Variants in CCL28 observed in about 807,000 individuals in gnomAD.
The protein encoded by CCL28 is C-C motif chemokine ligand 28, also known as C-C motif chemokine 28.
In CCL28, 4 loss-of-function variants were observed where a neutral mutation model predicts 7.1. The ratio of observed to expected loss-of-function variants is 0.56; its 90% confidence interval spans 0.28 to 1.29. The LOEUF (loss-of-function observed/expected upper bound fraction) is 1.29. Among genes scored for constraint, CCL28 ranks in the 50% most tolerant of loss-of-function variants. CCL28 has a pLI of 0.11. For missense variants in CCL28, 151 were observed against 163.4 expected, an observed-to-expected ratio of 0.92 and a Z score of 0.41; for synonymous variants, 55 against 57.8, an observed-to-expected ratio of 0.95 and a Z score of 0.22.
At chr5:43,387,720 G>A (rs1269447017) in intron 2 of CCL28, among the ~76,000 whole-genome samples, 1 of 152,142 alleles carries the variant, frequency 6.6e-6, no homozygotes, top group Non-Finnish European at 1.5e-5. Flanking sequence ...GCCTCGAACT[G>A]GGCTCAACGA....
intron 1 of CCL28, among the ~76,000 whole-genome samples, chr5:43,396,586 G>T (rs909866017): frequency 6.6e-6 from 1 of 152,060 alleles, no homozygotes; most frequent in Non-Finnish European, 1.5e-5. Flanking sequence ...GGTTAAAGAG[G>T]AAACCACAAA....
the CCL28 span, among the ~76,000 whole-genome samples, chr5:43,363,565 C>G: frequency 6.6e-6 from 1 of 152,200 alleles, no homozygotes; most frequent in Non-Finnish European, 1.5e-5. Flanking sequence ...AAGAATCCAC[C>G]TCCTTGCCCA....
the CCL28 span, among the ~76,000 whole-genome samples, chr5:43,366,774 C>T: frequency 6.6e-6 from 1 of 152,150 alleles, no homozygotes. Flanking sequence ...GTGCTCTGTC[C>T]CAGGGAGATG....
intron 1 of CCL28, among the ~76,000 whole-genome samples, chr5:43,402,073 A>C (rs996861038): frequency 6.6e-6 from 1 of 152,182 alleles, no homozygotes; most frequent in African/African-American, 2.4e-5. Context: ...TTTCCCCTGC[A>C]AACTAGAAGG....
chr5:43,388,308 ATCACTGTGCAGGTTTAGACC>A, intron 2 of CCL28, 22 bp downstream of exon 2: 1 of 1,607,456 alleles, frequency 6.2e-7, no homozygotes, highest in African/African-American at 1.3e-5. Flanking sequence ...CAGGGAAATA[ATCACTGTGCAGGTTTAGACC>A]TCCCGGCTGA....
At chr5:43,410,886 G>A (rs1741510356) in intron 1 of CCL28, among the ~76,000 whole-genome samples, 1 of 152,150 alleles carries the variant, frequency 6.6e-6, no homozygotes, top group Admixed American at 6.6e-5. Context: ...ACAAATTTTT[G>A]TCTTTATATT....
the CCL28 span, among the ~76,000 whole-genome samples, chr5:43,357,097 G>T: frequency 6.6e-6 from 1 of 152,124 alleles, no homozygotes. Context: ...ATCTGTGCTG[G>T]GGTGTTTTCA....
chr5:43,408,487 C>G (rs183149881), intron 1 of CCL28, among the ~76,000 whole-genome samples: 1 of 151,980 alleles, frequency 6.6e-6, no homozygotes, highest in South Asian at 2.1e-4. Context: ...CAGGGCCTGT[C>G]GTAAGGTGGG....
chr5:43,369,036 AAGAGAGAGAGAGAGAGAGAGAGAGAGAG>A, the CCL28 span, among the ~76,000 whole-genome samples: 1,071 of 104,538 alleles, frequency 0.01, 20 homozygotes, highest in African/African-American at 0.032. Flanking sequence ...GAAAGAGAGA[AAGAGAGAGAGAGAGAGAGAGAGAGAGAG>A]AGAGAGAGAG....
chr5:43,373,847 A>G (rs886457246), downstream of CCL28, among the ~76,000 whole-genome samples: 8 of 152,312 alleles, frequency 5.3e-5, no homozygotes, highest in Non-Finnish European at 1.2e-4. Flanking sequence ...TACTGTGCAA[A>G]GAAGGTTTTT....
chr5:43,401,282 T>C (rs28461402), intron 1 of CCL28, among the ~76,000 whole-genome samples: 12,212 of 152,096 alleles, frequency 0.08, 928 homozygotes, highest in African/African-American at 0.2. Context: ...TATTCCCAAA[T>C]AAAGTCCTGC....
the CCL28 span, among the ~76,000 whole-genome samples, chr5:43,360,850 G>T: frequency 6.6e-6 from 1 of 151,976 alleles, no homozygotes; most frequent in African/African-American, 2.4e-5. Context: ...AAGTTCAGGG[G>T]TACATGTGCA....
At chr5:43,376,470 T>C (rs778914839), downstream of CCL28, among the ~76,000 whole-genome samples, 9 of 152,194 alleles carry the variant, frequency 5.9e-5, no homozygotes, top group Non-Finnish European at 1.2e-4. Context: ...AACCCTGCCC[T>C]AAGCAAAACA....
chr5:43,383,567 TTAGA>T (rs1309876349), intron 2 of CCL28, among the ~76,000 whole-genome samples: 1 of 152,148 alleles, frequency 6.6e-6, no homozygotes, highest in Admixed American at 6.6e-5. Context: ...CCTATGTGTA[TTAGA>T]TAGAGAGTCT....
At chr5:43,369,071 AGAGAGAG>A in the CCL28 span, among the ~76,000 whole-genome samples, 1 of 143,960 alleles carries the variant, frequency 6.9e-6, no homozygotes, top group African/African-American at 2.6e-5. Context: ...AGAGAGAGAG[AGAGAGAG>A]AGAGAGAACC....
chr5:43,382,259 G>A lies in CCL28; in HGVS notation c.192-207C>T, dbSNP rs71629106. Among the ~76,000 whole-genome samples, 1,108 of 152,238 alleles carry A rather than the reference G, an allele frequency of 7.3e-3. 7 individuals are homozygous for A. Among genetic ancestry groups the A allele is most frequent in the Middle Eastern group, 0.034 (10 of 294 alleles). On this transcript the variant is annotated intron_variant, in intron 2 of 2. Coordinates refer to ENST00000361115, the MANE Select transcript of CCL28 (RefSeq NM_148672.3). ...TTTGACTTTACAAACACTGCTGCCT[G>A]TGGGTCCTCAGATATCATCAGAGAG...
the CCL28 span, among the ~76,000 whole-genome samples, chr5:43,357,502 G>A: frequency 0.033 from 4,989 of 152,308 alleles, 125 homozygotes; most frequent in Non-Finnish European, 0.052. Flanking sequence ...TTCTGCCATG[G>A]CATTGGGGAA....
At chr5:43,395,084 A>G (rs1249791416) in intron 1 of CCL28, among the ~76,000 whole-genome samples, 1 of 151,110 alleles carries the variant, frequency 6.6e-6, no homozygotes. Context: ...AAGAGTTTGT[A>G]TAAGATAAAG....
the CCL28 span, among the ~76,000 whole-genome samples, chr5:43,363,635 G>A: frequency 6.6e-6 from 1 of 152,198 alleles, no homozygotes; most frequent in Non-Finnish European, 1.5e-5. Context: ...TGCCCTTCAG[G>A]TGAGTTTCCC....
Sources: gnomAD v4.1 joint callset for allele counts (sites outside exome capture counted in the v4.1 genomes callset) on GRCh38, gnomAD v4.1.1 for gene constraint, MANE v1.5 for transcripts, NCBI Gene and HGNC (gene_info 2026-07-23, HGNC 2026-07-21) for gene names.